The following LYAR variants were observed in gnomAD, a reference collection of about 807,000 sequenced individuals.
The protein encoded by LYAR is Ly1 antibody reactive, also known as cell growth-regulating nucleolar protein.
Under a neutral mutation model 45.2 loss-of-function variants are expected in LYAR, and 37 were observed. The observed-to-expected ratio is 0.82, with a 90% CI of 0.63 to 1.08. The LOEUF is 1.08. Among genes scored for constraint, LYAR ranks in the 50% least tolerant of loss-of-function variants. The probability of loss-of-function intolerance (pLI) is 0.00; values close to 1 mark genes in which losing one functional copy is unlikely to be tolerated. For synonymous variants in LYAR, 176 were observed against 155.1 expected, an observed-to-expected ratio of 1.14 and a Z score of -1.00; for missense variants, 493 against 451.0, an observed-to-expected ratio of 1.09 and a Z score of -0.84.
chr4:4,272,878 G>A (rs7671748), intron 8 of LYAR, among the ~76,000 whole-genome samples: 1 of 151,982 alleles, frequency 6.6e-6, no homozygotes, highest in African/African-American at 2.4e-5. Context: ...CTGGGGGTTG[G>A]GGGAGGTGGC....
chr4:4,274,015 T>C (rs990888624), intron 7 of LYAR, among the ~76,000 whole-genome samples: 3 of 152,136 alleles, frequency 2.0e-5, no homozygotes, highest in African/African-American at 7.2e-5. Context: ...GGGGGGCGGA[T>C]CACCAGAGGT....
chr4:4,285,368 A>T (rs1323073544), intron 2 of LYAR, among the ~76,000 whole-genome samples: 1 of 152,156 alleles, frequency 6.6e-6, no homozygotes, highest in Non-Finnish European at 1.5e-5. Flanking sequence ...AGCTCCTGGG[A>T]GCTGGAATCA....
At chr4:4,282,819 G>A (rs1719453497) in intron 3 of LYAR, among the ~76,000 whole-genome samples, 1 of 152,202 alleles carries the variant, frequency 6.6e-6, no homozygotes, top group Admixed American at 6.5e-5. Flanking sequence ...GGGCCAGGAA[G>A]AGCCTCACTT....
intron 8 of LYAR, among the ~76,000 whole-genome samples, chr4:4,272,131 C>A (rs113040116): frequency 6.6e-6 from 1 of 152,124 alleles, no homozygotes; most frequent in African/African-American, 2.4e-5. Context: ...GGCAGCCTTG[C>A]GCAATGGCGA....
Position 4,279,532 on chromosome 4 carries a change from T to C in LYAR, c.346-2A>G, listed in dbSNP as rs1719314297. On this transcript the variant is annotated splice_acceptor_variant, in intron 5 of 9. Coordinates refer to ENST00000343470, the MANE Select transcript of LYAR (RefSeq NM_017816.3). LOFTEE classifies it high-confidence loss of function. ...TTTTAAACTGTTCTTCATCCAATTC[T>C]GTAAGAAAGAAAAAGAAAAAGAACT... 4.4e-6 allele frequency: 7 copies of C among 1,606,706 alleles called. No homozygotes were observed. Among genetic ancestry groups the C allele is most frequent in the Admixed American group, 1.7e-5 (1 of 59,850 alleles).
chr4:4,284,184 A>C (rs1719517656), intron 2 of LYAR, among the ~76,000 whole-genome samples: 1 of 152,244 alleles, frequency 6.6e-6, no homozygotes, highest in African/African-American at 2.4e-5. Flanking sequence ...TTGGCTCTCA[A>C]GATGAAGAGC....
In LYAR at chr4:4,286,549, C is replaced by G. The variant is rs182339887; in HGVS notation, c.-84G>C. 6.6e-6 allele frequency: 1 copy of G among 152,018 alleles called. No individual in the cohort carries two copies. Among genetic ancestry groups the G allele is most frequent in the Admixed American group, 6.6e-5 (1 of 15,254 alleles). The allele number at this position is 152,018 out of a possible 1,614,324, so 9.4% of individuals were successfully genotyped here. ...GCCGTCATGTAGAAATTCAGTCACT[C>G]CAATGGAAGACAGCAAACATTGCCT... On this transcript the variant is annotated 5_prime_UTR_variant, in exon 2 of 10. Coordinates refer to ENST00000343470, the MANE Select transcript of LYAR (RefSeq NM_017816.3).
rs553156016 is a variant in LYAR at position 4,268,726 on chromosome 4, C to T, written c.920-111G>A. On this transcript the variant is annotated intron_variant, in intron 8 of 9. Transcript: ENST00000343470. ...GCTTCCCAGGAAATGAGCTAACCCT[C>T]TAATGAACCAGACTCCATAGCACCA... 4 of 668,928 alleles carry T rather than the reference C, an allele frequency of 6.0e-6. No individual in the cohort carries two copies. The East Asian group carries it at 1.1e-4, about 18-fold the overall frequency. The allele number at this position is 668,928 out of a possible 1,614,324, so 41.4% of individuals were successfully genotyped here. A position where few individuals can be genotyped will look rare whatever the true frequency, so the allele number is the denominator to read the frequency against.
At chr4:4,283,387 G>A (rs1418105544) in intron 3 of LYAR, among the ~76,000 whole-genome samples, 10 of 152,158 alleles carry the variant, frequency 6.6e-5, no homozygotes, top group Non-Finnish European at 2.9e-5. Context: ...CTGACCTCAT[G>A]AGCCACCCAC....
chr4:4,288,738 G>T (rs1451814116), intron 1 of LYAR, among the ~76,000 whole-genome samples: 2 of 151,998 alleles, frequency 1.3e-5, no homozygotes, highest in African/African-American at 4.8e-5. Flanking sequence ...CACCCTCCTC[G>T]GCCTCCCAAA....
Position 4,274,596 on chromosome 4 carries a change from T to G in LYAR, c.603A>C (p.Arg201Ser). The G allele has an allele frequency of 6.2e-7, 1 of 1,613,858 alleles. No individual in the cohort carries two copies. The highest frequency in any genetic ancestry group is 8.5e-7 in the Non-Finnish European group (1 of 1,179,992). ...RKEERQKKRKREKKELKLENH... is the reference protein window; with the variant it reads ...RKEERQKKRKSEKKELKLENH... ...TTTCTAACTTTAGTTCTTTCTTTTCTCTTTTCCTTTTCTTCTGCCGTTCTT... is the reference window on the plus strand; with the variant it reads ...TTTCTAACTTTAGTTCTTTCTTTTCGCTTTTCCTTTTCTTCTGCCGTTCTT... The change falls in exon 7 of 10, where the codon AGA (arginine) becomes AGC (serine). Residue 201 changes from arginine to serine, a missense_variant. Transcript: ENST00000343470.
intron 8 of LYAR, chr4:4,268,838 T>C (rs749390930): frequency 9.1e-6 from 4 of 440,364 alleles, no homozygotes; most frequent in South Asian, 4.0e-5. Context: ...CCATGTGCTA[T>C]TGGCATGACA....
At chr4:4,275,307 A>G (rs1719134620) in intron 6 of LYAR, among the ~76,000 whole-genome samples, 1 of 152,242 alleles carries the variant, frequency 6.6e-6, no homozygotes, top group Admixed American at 6.5e-5. Context: ...AGCATAACAC[A>G]TGCCCAATAA....
At chr4:4,276,023 T>C (rs1719165765) in intron 6 of LYAR, among the ~76,000 whole-genome samples, 2 of 152,190 alleles carry the variant, frequency 1.3e-5, no homozygotes, top group South Asian at 2.1e-4. Context: ...AATCAGCACA[T>C]AGAGCCTACT....
At chr4:4,271,600 C>T (rs116409693) in intron 8 of LYAR, among the ~76,000 whole-genome samples, 4,285 of 152,248 alleles carry the variant, frequency 0.028, 205 homozygotes, top group African/African-American at 0.096. Flanking sequence ...AGCGGTTCTC[C>T]ATAGTGGTTG....
chr4:4,274,849 CTACA>C, intron 6 of LYAR, 80 bp from the exon 7 acceptor site: 1 of 1,343,418 alleles, frequency 7.4e-7, no homozygotes, highest in Non-Finnish European at 1.0e-6. Flanking sequence ...CCTGGGCCTA[CTACA>C]TAAACTGTTC....
chr4:4,270,856 T>C (rs1424326074), intron 8 of LYAR, among the ~76,000 whole-genome samples: 1 of 152,222 alleles, frequency 6.6e-6, no homozygotes, highest in Non-Finnish European at 1.5e-5. Context: ...CAGAGACTCC[T>C]GAAACAGCTG....
chr4:4,267,944 A>G lies in LYAR; in HGVS notation c.1085T>C (p.Ile362Thr), dbSNP rs1364318872. 6.2e-7 allele frequency: 1 copy of G among 1,613,084 alleles called. No individual in the cohort carries two copies. The highest frequency in any genetic ancestry group is 8.5e-7 in the Non-Finnish European group (1 of 1,179,742). The change falls in exon 10 of 10, where the codon ATC becomes ACC. Residue 362 changes from isoleucine to threonine, a missense_variant. Coordinates refer to ENST00000343470, the MANE Select transcript of LYAR (RefSeq NM_017816.3). ...EELLVIFNKK[I>T]SKNPTFKLLK... is the part of the protein sequence containing the mutation. ...TAACTTAAAGGTAGGGTTCTTGCTG[A>G]TTTTCTTGTTAAAGATGACCAGGAG...
intron 1 of LYAR, among the ~76,000 whole-genome samples, chr4:4,287,652 A>AGTGGCAG (rs936436475): frequency 1.3e-5 from 2 of 152,188 alleles, no homozygotes; most frequent in African/African-American, 4.8e-5. Flanking sequence ...AGTCACAGTA[A>AGTGGCAG]GTGGCAGAGG....
Sources: gnomAD v4.1 joint callset for allele counts (sites outside exome capture counted in the v4.1 genomes callset) on GRCh38, gnomAD v4.1.1 for gene constraint, MANE v1.5 for transcripts, NCBI Gene and HGNC (gene_info 2026-07-23, HGNC 2026-07-21) for gene names.